Variants in CHRNA3 observed in about 807,000 individuals in gnomAD.
CHRNA3 encodes the protein neuronal acetylcholine receptor subunit alpha-3.
In CHRNA3, 34 loss-of-function variants were observed where a neutral mutation model predicts 41.9. The ratio of observed to expected loss-of-function variants is 0.81; its 90% CI spans 0.62 to 1.08. The LOEUF (loss-of-function observed/expected upper bound fraction) is 1.08, where lower values mean the gene tolerates loss of function less well. Among genes scored for constraint, CHRNA3 ranks in the 50% least tolerant of loss-of-function variants. CHRNA3 has a pLI of 0.00. For synonymous variants in CHRNA3, 281 were observed against 265.2 expected (o/e 1.06, Z -0.58); for missense variants, 542 against 638.3 (o/e 0.85, Z 1.63).
Position 78,618,580 on chromosome 15 carries a change from A to G in CHRNA3, c.267+37T>C, listed in dbSNP as rs956550737. 5 of 1,613,134 alleles carry G rather than the reference A, an allele frequency of 3.1e-6. No individual in the cohort carries two copies. In the African/African-American group the frequency reaches 4.0e-5, roughly 13 times the overall value. On this transcript the variant is annotated intron_variant, in intron 3 of 5. Coordinates refer to ENST00000326828, the MANE Select transcript of CHRNA3 (RefSeq NM_000743.5). ...ACCTAAAGCAAATAAAACAGTCACC[A>G]CCAGGGGGCAGCAGTGCCTAGGGTC...
downstream of CHRNA3, chr15:78,595,197 G>A (rs561797212): frequency 6.0e-5 from 44 of 738,506 alleles, no homozygotes; most frequent in Admixed American, 1.3e-4. Context: ...ACCTTAGTTC[G>A]TATACATCCC....
chr15:78,619,734 T>C (rs912750367), intron 1 of CHRNA3: 2 of 152,412 alleles, frequency 1.3e-5, no homozygotes, highest in African/African-American at 4.8e-5. Flanking sequence ...AAGTGAGGCA[T>C]ACCGGGTCAG....
chr15:78,596,879 G>T, intron 5 of CHRNA3, 147 bp from the exon 6 acceptor site: 1 of 1,196,778 alleles, frequency 8.4e-7, no homozygotes, highest in Non-Finnish European at 1.1e-6. Flanking sequence ...AATTGATGTG[G>T]TCTGAGGAAA....
chr15:78,612,447 A>C, intron 4 of CHRNA3, among the ~76,000 whole-genome samples: 1 of 29,130 alleles, frequency 3.4e-5, no homozygotes, highest in African/African-American at 1.8e-4. Flanking sequence ...GACAAACCTG[A>C]CAAAAACAAG....
At chr15:78,620,597 C>A in intron 1 of CHRNA3, 116 bp downstream of exon 1, 7 of 1,368,816 alleles carry the variant, frequency 5.1e-6, no homozygotes, top group Non-Finnish European at 5.6e-6. Flanking sequence ...GAGTCCCCGG[C>A]GACGGCGCCA....
In CHRNA3 at chr15:78,595,460, C is replaced by G; in HGVS notation, c.*1144G>C. 1.0e-6 allele frequency: 1 copy of G among 981,182 alleles called. No individual in the cohort carries two copies. The highest frequency in any genetic ancestry group is 1.2e-6 in the Non-Finnish European group (1 of 826,112). The allele number at this position is 981,182 out of a possible 1,614,324, so 60.8% of individuals were successfully genotyped here. ...TAACAATTTGTCTAAAGCAATGTTT[C>G]TCAACCAGGGGCAATTTTGCTCCTA... On this transcript the variant is annotated 3_prime_UTR_variant, in exon 6 of 6. Coordinates refer to ENST00000326828, the MANE Select transcript of CHRNA3 (RefSeq NM_000743.5).
intron 3 of CHRNA3, 102 bp from the exon 4 acceptor site, chr15:78,617,235 C>T: frequency 1.4e-6 from 1 of 705,238 alleles, no homozygotes; most frequent in Non-Finnish European, 2.5e-6. Context: ...ACCCCTGCTG[C>T]ATGTGACCGA....
At chr15:78,609,924 CA>C (rs2053356870) in intron 4 of CHRNA3, among the ~76,000 whole-genome samples, 1 of 152,154 alleles carries the variant, frequency 6.6e-6, no homozygotes, top group African/African-American at 2.4e-5. Flanking sequence ...GCAGGGGTTG[CA>C]ATCCTAGTCT....
intron 5 of CHRNA3, among the ~76,000 whole-genome samples, chr15:78,597,074 G>A (rs1270996647): frequency 6.6e-6 from 1 of 152,216 alleles, no homozygotes; most frequent in Non-Finnish European, 1.5e-5. Context: ...TCTGGGCCTT[G>A]GTTAGAATGG....
chr15:78,611,990 C>T lies in CHRNA3; in HGVS notation c.377+5034G>A, dbSNP rs570229930. Among the ~76,000 whole-genome samples, 28 of 152,190 alleles carry T rather than the reference C, an allele frequency of 1.8e-4. No homozygotes were observed. In the East Asian group the frequency reaches 3.9e-3, roughly 21 times the overall value. On this transcript the variant is annotated intron_variant, in intron 4 of 5. Coordinates refer to ENST00000326828, the MANE Select transcript of CHRNA3 (RefSeq NM_000743.5). Reference sequence around the variant, plus strand: ...AATTGCTTCAAAGAGAATAAAATACCTAGGAATCCAACTTAAGAGGGATGT... The same window carrying T: ...AATTGCTTCAAAGAGAATAAAATACTTAGGAATCCAACTTAAGAGGGATGT...
intron 5 of CHRNA3, among the ~76,000 whole-genome samples, chr15:78,600,906 C>A (rs1347136026): frequency 6.6e-6 from 1 of 152,080 alleles, no homozygotes; most frequent in Non-Finnish European, 1.5e-5. Context: ...CCTCAATTAA[C>A]CAATACTAAC....
At position 78,596,340 on chromosome 15, in the gene CHRNA3, A is replaced by G. The variant is rs200881063; in HGVS notation, c.*264T>C. 5 of 1,084,716 alleles carry G rather than the reference A, an allele frequency of 4.6e-6. No homozygotes were observed. The highest frequency in any genetic ancestry group is 4.2e-4 in the Middle Eastern group (1 of 2,388). 67.2% of individuals were successfully genotyped at this position (1,084,716 alleles called of 1,614,324 possible). A position where few individuals can be genotyped will look rare whatever the true frequency, so the allele number is the denominator to read the frequency against. On this transcript the variant is annotated 3_prime_UTR_variant, in exon 6 of 6. Transcript: ENST00000326828. The stretch of plus-strand genomic sequence containing the variant: ...AAACATTTTTACATGTATATTCCAT[A>G]GCATAGCATACTAATCACATAGAAT...
chr15:78,611,097 A>G (rs541332491), intron 4 of CHRNA3, among the ~76,000 whole-genome samples: 1 of 152,306 alleles, frequency 6.6e-6, no homozygotes, highest in South Asian at 2.1e-4. Flanking sequence ...CCAACCAAAA[A>G]AAGTCCAGGA....
chr15:78,618,310 T>A, intron 3 of CHRNA3: 1 of 348,052 alleles, frequency 2.9e-6, no homozygotes, highest in Non-Finnish European at 5.3e-6. Context: ...ACCCCAGGGT[T>A]TGGGGGCAGG....
At chr15:78,619,165 T>G (rs1239828419) in intron 1 of CHRNA3, 9 of 556,372 alleles carry the variant, frequency 1.6e-5, no homozygotes, top group Middle Eastern at 4.8e-4. Context: ...GGCTCTGGAG[T>G]TGGACAGATC....
chr15:78,615,168 C>T (rs1245508380), intron 4 of CHRNA3, among the ~76,000 whole-genome samples: 1 of 152,208 alleles, frequency 6.6e-6, no homozygotes, highest in Non-Finnish European at 1.5e-5. Context: ...GCCCAGAATG[C>T]TCATCCTACT....
chr15:78,618,844 G>A lies in CHRNA3; in HGVS notation c.154C>T (p.Pro52Ser). The A allele has an allele frequency of 6.2e-7, 1 of 1,614,110 alleles. No individual in the cohort carries two copies. The highest frequency in any genetic ancestry group is 8.5e-7 in the Non-Finnish European group (1 of 1,180,028). The change falls in exon 2 of 6, where the codon CCT (proline) becomes TCT (serine). Residue 52 changes from proline to serine, a missense_variant. Transcript: ENST00000326828. The stretch of plus-strand genomic sequence containing the variant: ...ACTGGGTCAGACACGTTGGCTACAG[G>A]CCGGATGATCTCATTGTAATCTTCA... ...LFEDYNEIIR[P>S]VANVSDPVII...
At chr15:78,600,761 C>T (rs558045337) in intron 5 of CHRNA3, among the ~76,000 whole-genome samples, 5 of 151,388 alleles carry the variant, frequency 3.3e-5, no homozygotes, top group East Asian at 1.9e-4. Flanking sequence ...TCAAGCTACT[C>T]GGGAAACTGA....
rs199630864 is a variant in CHRNA3 at position 78,618,646 on chromosome 15, T to C, written c.238A>G (p.Ile80Val). Reference protein sequence around the residue: ...QLVKVDEVNQIMETNLWLKQI... With the variant: ...QLVKVDEVNQVMETNLWLKQI... The stretch of plus-strand genomic sequence containing the variant: ...TTGAGCCACAGGTTGGTCTCCATGA[T>C]CTGGTTTACTTCATCCTAGAAAGAG... Residue 80 changes from isoleucine to valine, a missense_variant, in exon 3 of 6, where the codon ATC becomes GTC. Coordinates refer to ENST00000326828, the MANE Select transcript of CHRNA3 (RefSeq NM_000743.5). 3 of 1,614,042 alleles carry C rather than the reference T, an allele frequency of 1.9e-6. No homozygotes were observed. Among genetic ancestry groups the C allele is most frequent in the Non-Finnish European group, 2.5e-6 (3 of 1,180,046 alleles).
Sources: allele counts gnomAD v4.1 joint callset (sites outside exome capture counted in the v4.1 genomes callset), GRCh38; gene constraint gnomAD v4.1.1; transcripts MANE v1.5; gene names NCBI Gene and HGNC (gene_info 2026-07-23, HGNC 2026-07-21).